The following CTNNA2 variants were observed in gnomAD, a reference collection of about 807,000 sequenced individuals.
CTNNA2 encodes the protein catenin alpha 2, also known as catenin alpha-2.
CTNNA2 carries 42 observed loss-of-function variants against 101.0 expected under a neutral mutation model. The observed-to-expected ratio is 0.42, with a 90% CI of 0.32 to 0.54. The LOEUF is 0.54. Ranked by LOEUF, CTNNA2 falls within the 20% of genes least tolerant of loss-of-function variation. The probability of loss-of-function intolerance (pLI) is 0.14; values close to 1 mark genes in which losing one functional copy is unlikely to be tolerated. For missense variants in CTNNA2, 871 were observed against 1,223.1 expected, an observed-to-expected ratio of 0.71 and a Z score of 4.29; for synonymous variants, 450 against 456.4, an observed-to-expected ratio of 0.99 and a Z score of 0.18.
At chr2:80,522,310 G>C (rs918064377) in intron 9 of CTNNA2, among the ~76,000 whole-genome samples, 1 of 152,180 alleles carries the variant, frequency 6.6e-6, no homozygotes, top group Non-Finnish European at 1.5e-5. Flanking sequence ...GTAGCAAGAG[G>C]ATGGGAGCTG....
chr2:79,635,715 A>T (rs1440694545), intron 1 of CTNNA2, among the ~76,000 whole-genome samples: 4 of 150,488 alleles, frequency 2.7e-5, no homozygotes, highest in Non-Finnish European at 5.9e-5. Context: ...TGTTGGCCAA[A>T]CTGGTCTCTA....
chr2:79,454,630 C>T (rs1355151720), intron 4 of CTNNA2, among the ~76,000 whole-genome samples: 5 of 152,120 alleles, frequency 3.3e-5, no homozygotes, highest in Non-Finnish European at 7.4e-5. Flanking sequence ...TGTGGATTCA[C>T]ATTAACCAAG....
chr2:80,612,250 A>T (rs1177790667), intron 17 of CTNNA2, among the ~76,000 whole-genome samples: 3 of 151,558 alleles, frequency 2.0e-5, no homozygotes, highest in Non-Finnish European at 3.0e-5. Context: ...GGGGTCAATT[A>T]TAGTAATTCT....
At chr2:80,021,111 C>T (rs1694532369) in intron 7 of CTNNA2, among the ~76,000 whole-genome samples, 1 of 151,192 alleles carries the variant, frequency 6.6e-6, no homozygotes, top group South Asian at 2.1e-4. Context: ...CCTCCACCTC[C>T]AGGACTCAAG....
rs1558783280 is a variant in CTNNA2, at chr2:80,075,596, A to AT, written c.1056+165800dup. Among the ~76,000 whole-genome samples the AT allele has an allele frequency of 7.7e-4, 67 of 87,234 alleles. 2 individuals are homozygous for AT. The highest frequency in any genetic ancestry group is 9.9e-4 in the Non-Finnish European group (38 of 38,428). 57.2% of individuals were successfully genotyped at this position (87,234 alleles called of 152,430 possible). On this transcript the variant is annotated intron_variant, in intron 7 of 18. Coordinates refer to ENST00000402739, the MANE Select transcript of CTNNA2 (RefSeq NM_001282597.3). ...AAATAATATTTATACATGTATAAATATAAATATTTATACATGTATAAATAT... is the reference window on the plus strand; with the variant it reads ...AAATAATATTTATACATGTATAAATATTAAATATTTATACATGTATAAATAT...
intron 4 of CTNNA2, among the ~76,000 whole-genome samples, chr2:79,864,042 C>T (rs193135907): frequency 3.3e-5 from 5 of 152,146 alleles, no homozygotes; most frequent in South Asian, 2.1e-4. Context: ...CCTCTGGCAG[C>T]GTCTATGCAA....
intron 6 of CTNNA2, among the ~76,000 whole-genome samples, chr2:79,895,437 C>T (rs12478322): frequency 0.015 from 2,325 of 152,008 alleles, 155 homozygotes; most frequent in Admixed American, 0.11. Flanking sequence ...GAGTGTATAA[C>T]CAGTTTGTGG....
At chr2:79,601,767 T>C (rs1677567230) in intron 1 of CTNNA2, among the ~76,000 whole-genome samples, 1 of 152,214 alleles carries the variant, frequency 6.6e-6, no homozygotes, top group South Asian at 2.1e-4. Context: ...ATGACTACTA[T>C]GCGTATCACA....
At chr2:79,877,929 G>T (rs1017136932) in intron 6 of CTNNA2, among the ~76,000 whole-genome samples, 15 of 152,024 alleles carry the variant, frequency 9.9e-5, no homozygotes, top group African/African-American at 3.6e-4. Flanking sequence ...ATGGTGATTT[G>T]CTGCACCTAT....
intron 2 of CTNNA2, among the ~76,000 whole-genome samples, chr2:79,671,448 G>A (rs1682835236): frequency 6.6e-6 from 1 of 152,072 alleles, no homozygotes; most frequent in African/African-American, 2.4e-5. Context: ...ATGGCAAGAA[G>A]CTCTTATCAA....
rs186952266 is a variant in CTNNA2, at chr2:80,357,244, T to C, written c.1057-35967T>C. On this transcript the variant is annotated intron_variant, in intron 7 of 18. Transcript: ENST00000402739. ...TCAAAATAGCATTTTTTTTTTGTTT[T>C]TTTTTTGTTTGTTTGTTTTTGTTTT... Among the ~76,000 whole-genome samples, 294 of 151,044 alleles carry C rather than the reference T, an allele frequency of 1.9e-3. 1 individual carries two copies. The Middle Eastern group carries it at 0.027, about 14-fold the overall frequency.
rs116607325 is a variant in CTNNA2, at chr2:79,304,009, G to A, written c.-405-8700G>A. Among the ~76,000 whole-genome samples the A allele has an allele frequency of 3.2e-3, 488 of 152,228 alleles. 2 individuals carry two copies. The highest frequency in any genetic ancestry group is 0.011 in the African/African-American group (458 of 41,538). On this transcript the variant is annotated intron_variant, in intron 2 of 21. Coordinates refer to the CTNNA2 transcript ENST00000466387. ...AAGCAGTCTGAGCTCAGTAGAGTAT[G>A]CTGCTACTGGGAGCACTCACTGTGG...
intron 7 of CTNNA2, among the ~76,000 whole-genome samples, chr2:79,968,614 C>T (rs1690248806): frequency 6.6e-6 from 1 of 152,000 alleles, no homozygotes; most frequent in Non-Finnish European, 1.5e-5. Flanking sequence ...CGAGACCAGC[C>T]TGGGCAATAT....
chr2:79,545,839 A>G (rs1029938571), intron 1 of CTNNA2, among the ~76,000 whole-genome samples: 2 of 152,232 alleles, frequency 1.3e-5, no homozygotes, highest in Admixed American at 1.3e-4. Flanking sequence ...CAATACTTAT[A>G]ATATGAATAA....
intron 7 of CTNNA2, among the ~76,000 whole-genome samples, chr2:80,323,264 T>C (rs984043746): frequency 5.9e-5 from 9 of 152,218 alleles, no homozygotes; most frequent in African/African-American, 1.2e-4. Context: ...TCTGATGTAA[T>C]AGGGCTCCGA....
At chr2:79,451,787 C>T (rs1051896032) in intron 4 of CTNNA2, among the ~76,000 whole-genome samples, 14 of 150,720 alleles carry the variant, frequency 9.3e-5, no homozygotes, top group Non-Finnish European at 1.8e-4. Flanking sequence ...TTTTCAAATA[C>T]ATGTCTTAAA....
chr2:80,001,069 G>T (rs998772387), intron 7 of CTNNA2, among the ~76,000 whole-genome samples: 7 of 152,168 alleles, frequency 4.6e-5, no homozygotes, highest in Non-Finnish European at 5.9e-5. Flanking sequence ...CTTGTGGCTT[G>T]TTCCTTGTTT....
intron 1 of CTNNA2, among the ~76,000 whole-genome samples, chr2:79,650,173 CGGGGGGG>C (rs60282355): frequency 1.3e-5 from 1 of 76,796 alleles, no homozygotes; most frequent in Non-Finnish European, 2.8e-5. Flanking sequence ...TATACTTTTT[CGGGGGGG>C]GGGGGGGAGG....
intron 4 of CTNNA2, among the ~76,000 whole-genome samples, chr2:79,475,417 T>A (rs1220195701): frequency 7.2e-5 from 11 of 152,182 alleles, no homozygotes. Context: ...TATTTTTTTT[T>A]CCTTAAGGAG....
Sources: allele counts gnomAD v4.1 joint callset (sites outside exome capture counted in the v4.1 genomes callset), GRCh38; gene constraint gnomAD v4.1.1; transcripts MANE v1.5; gene names NCBI Gene and HGNC (gene_info 2026-07-23, HGNC 2026-07-21).